The following CACNA2D4 variants were observed in gnomAD, a reference collection of about 807,000 sequenced individuals.
The protein encoded by CACNA2D4 is voltage-dependent calcium channel subunit alpha-2/delta-4.
In CACNA2D4, 157 loss-of-function variants were observed where a neutral mutation model predicts 163.8. The observed-to-expected ratio is 0.96, with a 90% confidence interval of 0.84 to 1.09. The LOEUF is 1.09. Ranked by LOEUF, CACNA2D4 falls within the 50% of genes least tolerant of loss-of-function variation. The pLI is 0.00. For missense variants in CACNA2D4, 1,410 were observed against 1,479.9 expected (o/e 0.95, Z 0.78); for synonymous variants, 598 against 586.9 (o/e 1.02, Z -0.27).
At chr12:1,795,941 G>T in intron 35 of CACNA2D4, 161 bp from the exon 36 acceptor site, 1 of 629,146 alleles carries the variant, frequency 1.6e-6, no homozygotes, top group Non-Finnish European at 2.9e-6. Context: ...GGGCCTGGCA[G>T]ATGGCTCAGT....
intron 23 of CACNA2D4, among the ~76,000 whole-genome samples, chr12:1,849,789 GAAAGT>G (rs1329868142): frequency 1.3e-5 from 2 of 152,128 alleles, no homozygotes; most frequent in Non-Finnish European, 1.5e-5. Flanking sequence ...GTACCTTTGT[GAAAGT>G]AATTATGAAA....
chr12:1,907,321 G>T, intron 6 of CACNA2D4, 119 bp downstream of exon 6: 1 of 885,792 alleles, frequency 1.1e-6, no homozygotes, highest in African/African-American at 1.7e-5. Context: ...AGATGCTTTG[G>T]GATAGGAGGA....
intron 26 of CACNA2D4, chr12:1,823,209 G>C (rs1324360357): frequency 6.6e-6 from 1 of 152,590 alleles, no homozygotes. Flanking sequence ...TGTGTGTCTT[G>C]GATGCTTGAT....
At chr12:1,805,967 C>A (rs868534677) in intron 29 of CACNA2D4, among the ~76,000 whole-genome samples, 2 of 152,322 alleles carry the variant, frequency 1.3e-5, no homozygotes, top group African/African-American at 4.8e-5. Context: ...GCCTGATGCC[C>A]CCTGACGACA....
chr12:1,851,031 A>G (rs1349942510), intron 23 of CACNA2D4, among the ~76,000 whole-genome samples: 1 of 152,152 alleles, frequency 6.6e-6, no homozygotes, highest in African/African-American at 2.4e-5. Flanking sequence ...GGTGTGCACC[A>G]CCACATCTGG....
intron 30 of CACNA2D4, 47 bp from the exon 31 acceptor site, chr12:1,801,165 C>T (rs1863310340): frequency 1.3e-6 from 2 of 1,506,932 alleles, no homozygotes; most frequent in South Asian, 2.3e-5. Context: ...CACCCCCACC[C>T]CCTGCCCCTG....
intron 24 of CACNA2D4, among the ~76,000 whole-genome samples, chr12:1,845,568 GGA>G (rs1430042165): frequency 6.6e-6 from 1 of 152,144 alleles, no homozygotes; most frequent in African/African-American, 2.4e-5. Flanking sequence ...TGGGAGGCGA[GGA>G]GAGTAGGGTC....
In CACNA2D4 at chr12:1,839,718, G is replaced by C. The variant is rs185514214; in HGVS notation, c.2551+1021C>G. The stretch of plus-strand genomic sequence containing the variant: ...ACACACACTGAGCTCATGCCTCAGG[G>C]GTTCGAGTCACAGTCCCACTTCCCT... On this transcript the variant is annotated intron_variant, in intron 26 of 37. Transcript: ENST00000382722. Among the ~76,000 whole-genome samples, 190 of 152,306 alleles carry C rather than the reference G, an allele frequency of 1.2e-3. 1 individual carries two copies. Among genetic ancestry groups the C allele is most frequent in the African/African-American group, 4.3e-3 (178 of 41,562 alleles).
chr12:1,828,296 CT>C lies in CACNA2D4; in HGVS notation c.2551+12442del. ...GACTGTAGGTAGCGCCATATGGGAC[CT>C]TAGCCACACTCAGGCTGCAGGGAGG... On this transcript the variant is annotated intron_variant, in intron 26 of 37. Transcript: ENST00000382722. This position sits in a 1 kb window ranked among gnomAD's most constrained non-coding sequence, Gnocchi z 4.2. 1 of 1,220,480 alleles carries C rather than the reference CT, an allele frequency of 8.2e-7. No individual in the cohort carries two copies. The highest frequency in any genetic ancestry group is 1.1e-6 in the Non-Finnish European group (1 of 887,370). The allele number at this position is 1,220,480 out of a possible 1,614,324, so 75.6% of individuals were successfully genotyped here.
At chr12:1,852,373 G>A (rs192737768) in intron 23 of CACNA2D4, among the ~76,000 whole-genome samples, 4 of 152,216 alleles carry the variant, frequency 2.6e-5, no homozygotes, top group Admixed American at 1.3e-4. Context: ...TGGCTTTAAT[G>A]AACAAGAATG....
At position 1,846,557 on chromosome 12, in the gene CACNA2D4, C is replaced by A. The variant is rs1253690677; in HGVS notation, c.2342+37G>T. ...TGGGACTCTGGCCCTCTCTGCCCTG[C>A]AGGGATTGCCCTCCCGAGGTGGCCG... On this transcript the variant is annotated intron_variant, in intron 24 of 37. Transcript: ENST00000382722. The A allele has an allele frequency of 9.3e-6, 14 of 1,511,214 alleles. No individual in the cohort carries two copies. In the Admixed American group the frequency reaches 2.1e-4, roughly 23 times the overall value. 93.6% of individuals were successfully genotyped at this position (1,511,214 alleles called of 1,614,324 possible).
intron 11 of CACNA2D4, 74 bp from the exon 12 acceptor site, chr12:1,884,395 G>C: frequency 8.2e-7 from 1 of 1,224,744 alleles, no homozygotes; most frequent in Non-Finnish European, 1.2e-6. Flanking sequence ...GTTTATATGA[G>C]TCTTAGATGT....
At position 1,834,842 on chromosome 12, in the gene CACNA2D4, C is replaced by T. The variant is rs1385995752; in HGVS notation, c.2551+5897G>A. On this transcript the variant is annotated intron_variant, in intron 26 of 37. Transcript: ENST00000382722. This position sits in a 1 kb window ranked among gnomAD's most constrained non-coding sequence, Gnocchi z 7.6. ...TCCCCGAGTCCACCCTCCTCCCCGC[C>T]CTCCAGCAGACAAGCCACACCGGGT... is the stretch of plus-strand genomic sequence containing the variant. The T allele has an allele frequency of 1.4e-6, 2 of 1,431,494 alleles. No homozygotes were observed. Among genetic ancestry groups the T allele is most frequent in the African/African-American group, 1.4e-5 (1 of 69,630 alleles). 88.7% of individuals were successfully genotyped at this position (1,431,494 alleles called of 1,614,324 possible).
intron 13 of CACNA2D4, 106 bp downstream of exon 13, chr12:1,882,761 A>C (rs1252257678): frequency 8.7e-7 from 1 of 1,151,980 alleles, no homozygotes; most frequent in Non-Finnish European, 1.3e-6. Context: ...TTCCCTAAGG[A>C]GGTGCTAGGC....
intron 23 of CACNA2D4, 40 bp from the exon 24 acceptor site, chr12:1,846,729 G>T: frequency 6.6e-7 from 1 of 1,507,544 alleles, no homozygotes; most frequent in South Asian, 1.2e-5. Context: ...CCACATGGCT[G>T]TGGCAAGAGC....
intron 29 of CACNA2D4, among the ~76,000 whole-genome samples, chr12:1,803,269 C>T (rs183775272): frequency 1.1e-4 from 17 of 152,334 alleles, no homozygotes; most frequent in Admixed American, 7.8e-4. Context: ...CTAGGCAGAA[C>T]GCACAACTCC....
chr12:1,891,572 AACAGAT>A (rs1252425261), intron 6 of CACNA2D4, among the ~76,000 whole-genome samples: 2 of 152,304 alleles, frequency 1.3e-5, no homozygotes, highest in East Asian at 3.9e-4. Context: ...ATTCTTCAGC[AACAGAT>A]TCCAATAAAA....
intron 37 of CACNA2D4, 91 bp from the exon 38 acceptor site, chr12:1,793,850 C>G: frequency 9.6e-7 from 1 of 1,043,344 alleles, no homozygotes; most frequent in Non-Finnish European, 1.4e-6. Flanking sequence ...GGCCAAAATC[C>G]TGGGGAAAGG....
At position 1,833,299 on chromosome 12, in the gene CACNA2D4, G is replaced by C. The variant is rs1048506289; in HGVS notation, c.2551+7440C>G. Among the ~76,000 whole-genome samples the C allele has an allele frequency of 2.6e-5, 4 of 152,130 alleles. No individual in the cohort carries two copies. Among genetic ancestry groups the C allele is most frequent in the African/African-American group, 9.7e-5 (4 of 41,406 alleles). On this transcript the variant is annotated intron_variant, in intron 26 of 37. Transcript: ENST00000382722. The surrounding 1 kb of genome is among the most constrained non-coding windows in gnomAD (Gnocchi z 4.2). ...TGCAGCCCGCATCTTTTCGGCAGGG[G>C]GTCTAGTGCCTGCATCCAGATTTCA...
Sources: gnomAD v4.1 joint callset for allele counts (sites outside exome capture counted in the v4.1 genomes callset) on GRCh38, gnomAD v4.1.1 for gene constraint, Gnocchi (gnomAD v3.1) non-coding constraint, MANE v1.5 for transcripts, NCBI Gene and HGNC (gene_info 2026-07-23, HGNC 2026-07-21) for gene names.